BPIFB3: variants seen among roughly 807,000 people sequenced by gnomAD.
BPIFB3 encodes the protein BPI fold containing family B member 3.
In BPIFB3, 49 loss-of-function variants were observed where a neutral mutation model predicts 53.1. The ratio of observed to expected loss-of-function variants is 0.92; its 90% CI spans 0.73 to 1.17. The LOEUF (loss-of-function observed/expected upper bound fraction) is 1.17. BPIFB3 is among the 50% of genes most tolerant of loss of function. BPIFB3 has a pLI of 0.00. For synonymous variants in BPIFB3, 271 were observed against 269.6 expected, an observed-to-expected ratio of 1.01 and a Z score of -0.05; for missense variants, 628 against 592.5, an observed-to-expected ratio of 1.06 and a Z score of -0.62.
chr20:33,062,541 C>G (rs865826214), intron 5 of BPIFB3, among the ~76,000 whole-genome samples: 1 of 152,196 alleles, frequency 6.6e-6, no homozygotes, highest in South Asian at 2.1e-4. Context: ...CTAAGCAAGA[C>G]CATGTCAGGC....
At chr20:33,057,723 G>A (rs991377033) in intron 2 of BPIFB3, among the ~76,000 whole-genome samples, 1 of 151,828 alleles carries the variant, frequency 6.6e-6, no homozygotes, top group Non-Finnish European at 1.5e-5. Flanking sequence ...GTTAGGGTCT[G>A]AAAGTTTGTT....
intron 5 of BPIFB3, 79 bp from the exon 7 acceptor site, chr20:33,063,536 A>G: frequency 6.6e-7 from 1 of 1,505,112 alleles, no homozygotes; most frequent in South Asian, 1.1e-5. Flanking sequence ...AGCAGCAGAT[A>G]GCAAAGCATT....
exon 2 of BPIFB3, chr20:33,056,694 T>G (rs758943718): frequency 3.8e-6 from 6 of 1,590,354 alleles, no homozygotes; most frequent in Non-Finnish European, 5.1e-6. Context: ...CGAGGAGCTC[T>G]CTGGGTGAGT....
intron 1 of BPIFB3, among the ~76,000 whole-genome samples, 182 bp from the exon 3 acceptor site, chr20:33,056,360 G>T (rs571601020): frequency 3.5e-4 from 53 of 152,368 alleles, no homozygotes; most frequent in African/African-American, 1.2e-3. Context: ...GTGGCCACAG[G>T]CCCTGCGGTG....
At chr20:33,064,481 G>T in exon 7 of BPIFB3, 1 of 1,614,050 alleles carries the variant, frequency 6.2e-7, no homozygotes, top group Non-Finnish European at 8.5e-7. Flanking sequence ...GGGGCTCTTG[G>T]GTCCGTGGAA....
chr20:33,062,748 G>T (rs1440849537), intron 5 of BPIFB3, among the ~76,000 whole-genome samples: 1 of 152,206 alleles, frequency 6.6e-6, no homozygotes, highest in African/African-American at 2.4e-5. Context: ...CATCCTGGCT[G>T]CCTGATACCT....
intron 11 of BPIFB3, among the ~76,000 whole-genome samples, chr20:33,070,236 GTGGA>G (rs2146392016): frequency 6.6e-6 from 1 of 152,288 alleles, no homozygotes; most frequent in African/African-American, 2.4e-5. Flanking sequence ...CCGCCAGGAT[GTGGA>G]GTCCAAACTC....
intron 2 of BPIFB3, among the ~76,000 whole-genome samples, chr20:33,057,983 G>T (rs536341897): frequency 3.0e-4 from 46 of 152,308 alleles, no homozygotes; most frequent in African/African-American, 1.1e-3. Context: ...ATTATGAACT[G>T]CATTTAACAG....
chr20:33,060,102 C>T lies in BPIFB3; in HGVS notation c.527+71C>T, dbSNP rs1158059415. 3 of 1,563,902 alleles carry T rather than the reference C, an allele frequency of 1.9e-6. No individual in the cohort carries two copies. The African/African-American group carries it at 4.0e-5, about 21-fold the overall frequency. ...ATCTCGCACCCATCTGGGCATCTCCCAGGTCTCCCTGGAGCTGCCAGCTGC... is the reference window on the plus strand; with the variant it reads ...ATCTCGCACCCATCTGGGCATCTCCTAGGTCTCCCTGGAGCTGCCAGCTGC... On this transcript the variant is annotated intron_variant, in intron 4 of 14. Coordinates refer to ENST00000375494, the Ensembl canonical transcript of BPIFB3.
chr20:33,064,878 G>T (rs1164916595), intron 8 of BPIFB3, 33 bp downstream of exon 9: 4 of 1,597,488 alleles, frequency 2.5e-6, no homozygotes, highest in Middle Eastern at 1.8e-4. Context: ...GGGGATGGGG[G>T]CTCCTTGCCC....
chr20:33,072,834 C>A, intron 14 of BPIFB3, 41 bp downstream of exon 15: 1 of 1,504,632 alleles, frequency 6.6e-7, no homozygotes, highest in Non-Finnish European at 9.3e-7. Flanking sequence ...GGGCCTTAAG[C>A]TTGTCTCTGG....
chr20:33,072,018 G>T (rs547528702), intron 12 of BPIFB3, 86 bp from the exon 14 acceptor site: 1 of 1,435,798 alleles, frequency 7.0e-7, no homozygotes, highest in African/African-American at 1.4e-5. Flanking sequence ...GGGCCCCTGG[G>T]TTTCTCTCCC....
At chr20:33,060,159 C>A in intron 4 of BPIFB3, 128 bp downstream of exon 5, 1 of 1,300,196 alleles carries the variant, frequency 7.7e-7, no homozygotes, top group Non-Finnish European at 1.0e-6. Flanking sequence ...CCCTGCTTGT[C>A]CCGCCGGTTT....
chr20:33,055,521 G>A (rs561454593), exon 1 of BPIFB3: 10 of 1,613,704 alleles, frequency 6.2e-6, no homozygotes, highest in East Asian at 4.5e-5. Flanking sequence ...ACGCTCGCTC[G>A]GATTGACAAG....
chr20:33,061,939 C>T lies in BPIFB3; in HGVS notation c.591+108C>T, dbSNP rs977713538. ...CCAGGCAGGATTAGGCTGTACTTCC[C>T]TTCCACACCCACCTGGTAATCCCAT... On this transcript the variant is annotated intron_variant, in intron 5 of 14. Coordinates refer to ENST00000375494, the Ensembl canonical transcript of BPIFB3. 32 of 1,288,900 alleles carry T rather than the reference C, an allele frequency of 2.5e-5. 1 individual carries two copies. Among genetic ancestry groups the T allele is most frequent in the Non-Finnish European group, 7.7e-6 (7 of 906,598 alleles). 79.8% of individuals were successfully genotyped at this position (1,288,900 alleles called of 1,614,324 possible).
chr20:33,070,880 A>G (rs1367183758), intron 11 of BPIFB3, among the ~76,000 whole-genome samples: 1 of 152,200 alleles, frequency 6.6e-6, no homozygotes, highest in Non-Finnish European at 1.5e-5. Flanking sequence ...TGGGCCAGAT[A>G]TGATCCATCA....
In BPIFB3 at chr20:33,064,854, G is replaced by A. The variant is rs1292707320; in HGVS notation, c.924+9G>A. Reference sequence around the variant, plus strand: ...ACATCACCCCTGAGCTGGTGAGTGTGGTGCCCGGGGGATGGGGATGGGGGC... The same window carrying A: ...ACATCACCCCTGAGCTGGTGAGTGTAGTGCCCGGGGGATGGGGATGGGGGC... On this transcript the variant is annotated intron_variant, in intron 8 of 14. Coordinates refer to ENST00000375494, the Ensembl canonical transcript of BPIFB3. The A allele has an allele frequency of 6.2e-7, 1 of 1,609,022 alleles. No individual in the cohort carries two copies. Among genetic ancestry groups the A allele is most frequent in the African/African-American group, 1.3e-5 (1 of 75,018 alleles).
At chr20:33,059,753 G>A (rs1600537646) in intron 3 of BPIFB3, 138 bp from the exon 5 acceptor site, 4 of 1,283,182 alleles carry the variant, frequency 3.1e-6, no homozygotes, top group Non-Finnish European at 3.2e-6. Flanking sequence ...GAGGGTGCAG[G>A]GAAGTGCAAA....
rs370725204 is a variant in BPIFB3 at position 33,063,718 on chromosome 20, G to A, written c.652+43G>A. 270 of 1,597,824 alleles carry A rather than the reference G, an allele frequency of 1.7e-4. 1 individual carries two copies. The highest frequency in any genetic ancestry group is 7.4e-4 in the East Asian group (33 of 44,496). ...GCCCTCCTCTTTGCCCCTTCTACCC[G>A]TCTCTGTATGACCCCAATGGGGTAG... On this transcript the variant is annotated intron_variant, in intron 6 of 14. Coordinates refer to ENST00000375494, the Ensembl canonical transcript of BPIFB3.
Sources: gnomAD v4.1 joint callset for allele counts (sites outside exome capture counted in the v4.1 genomes callset) on GRCh38, gnomAD v4.1.1 for gene constraint, MANE v1.5 for transcripts, NCBI Gene and HGNC (gene_info 2026-07-23, HGNC 2026-07-21) for gene names.